DNAI3: variants seen among roughly 807,000 people sequenced by gnomAD.
DNAI3 encodes dynein axonemal intermediate chain 3, also known as WD repeat domain 63.
A neutral mutation model predicts 115.5 loss-of-function variants in DNAI3; 83 were observed. That is an observed-to-expected ratio of 0.72 (90% CI 0.60 to 0.86). The LOEUF is 0.86. DNAI3 is among the 40% of genes least tolerant of loss of function. DNAI3 has a pLI of 0.00. For missense variants in DNAI3, 1,004 were observed against 1,075.8 expected (o/e 0.93, Z 0.93); for synonymous variants, 320 against 347.0 (o/e 0.92, Z 0.86).
chr1:85,073,004 A>G (rs753039541), intron 2 of DNAI3, 50 bp from the exon 3 acceptor site: 15 of 959,486 alleles, frequency 1.6e-5, no homozygotes, highest in Non-Finnish European at 2.2e-5. Context: ...ATAAATTGAG[A>G]TGTATTTGAT....
At chr1:85,109,776 G>C (rs1468591476) in intron 15 of DNAI3, among the ~76,000 whole-genome samples, 4 of 152,128 alleles carry the variant, frequency 2.6e-5, no homozygotes, top group Non-Finnish European at 5.9e-5. Context: ...TACAATACAA[G>C]GCATTTTTCA....
At chr1:85,098,383 A>T in intron 12 of DNAI3, 147 bp from the exon 13 acceptor site, 1 of 916,006 alleles carries the variant, frequency 1.1e-6, no homozygotes, top group South Asian at 1.9e-5. Flanking sequence ...TTACCTAAAT[A>T]TATGATATAG....
chr1:85,076,356 G>C (rs1214256314), intron 3 of DNAI3, among the ~76,000 whole-genome samples: 1 of 151,896 alleles, frequency 6.6e-6, no homozygotes, highest in Non-Finnish European at 1.5e-5. Flanking sequence ...TAAATAAAAA[G>C]AACATAAAAA....
At chr1:85,119,908 C>A (rs2100609966) in intron 17 of DNAI3, among the ~76,000 whole-genome samples, 1 of 152,266 alleles carries the variant, frequency 6.6e-6, no homozygotes, top group Non-Finnish European at 1.5e-5. Context: ...CCATGTTAGC[C>A]AGGCTGGTCT....
chr1:85,084,665 G>T lies in DNAI3; in HGVS notation c.510G>T (p.Glu170Asp), dbSNP rs1170853550. ...WVSLGSEKEI[E>D]EESVTESTKQ... ...CTTTGGGCAGTGAAAAAGAAATTGA[G>T]GAAGAATCAGTTACGGAATCTACAA... is the stretch of plus-strand genomic sequence containing the variant. The change falls in exon 6 of 23, where the codon GAG (glutamate) becomes GAT (aspartate). Residue 170 changes from glutamate (E) to aspartate (D), a missense_variant. Glu to Asp is a conservative substitution (Grantham distance 45). Transcript: ENST00000294664. The T allele has an allele frequency of 6.5e-7, 1 of 1,543,376 alleles. No homozygotes were observed. The highest frequency in any genetic ancestry group is 8.7e-7 in the Non-Finnish European group (1 of 1,144,018).
At chr1:85,121,214 C>T (rs758824604) in intron 17 of DNAI3, among the ~76,000 whole-genome samples, 6 of 152,144 alleles carry the variant, frequency 3.9e-5, no homozygotes, top group Non-Finnish European at 7.4e-5. Context: ...ATTTGCCTTC[C>T]CCTCTCCTTA....
At chr1:85,084,163 G>GTA (rs150894781) in intron 5 of DNAI3, among the ~76,000 whole-genome samples, 11,026 of 97,162 alleles carry the variant, frequency 0.11, 580 homozygotes, top group East Asian at 0.24. Flanking sequence ...AGCAGTGTGT[G>GTA]TATATATATA....
chr1:85,114,015 C>CTTT (rs58178754), intron 16 of DNAI3, among the ~76,000 whole-genome samples: 1 of 117,670 alleles, frequency 8.5e-6, no homozygotes. Flanking sequence ...CAATTTGTAT[C>CTTT]TTTTTTTTTT....
intron 11 of DNAI3, among the ~76,000 whole-genome samples, chr1:85,097,147 T>G (rs962885437): frequency 1.3e-5 from 2 of 152,074 alleles, no homozygotes; most frequent in Non-Finnish European, 1.5e-5. Context: ...GTCAATTAAA[T>G]AGAAATAATC....
In DNAI3 at chr1:85,130,049, G is replaced by T. The variant is rs1656267512; in HGVS notation, c.2469G>T (p.Gln823His). 2 of 1,613,676 alleles carry T rather than the reference G, an allele frequency of 1.2e-6. No individual in the cohort carries two copies. The highest frequency in any genetic ancestry group is 1.7e-5 in the Admixed American group (1 of 59,968). ...TCAAGCATCTGGAATACGTAGAACA[G>T]CGCAAAAAAATTCGTGAGCAAGAAA... is the stretch of plus-strand genomic sequence containing the variant. The part of the protein sequence containing the change: ...REVKHLEYVE[Q>H]RKKIREQEKK... Residue 823 changes from glutamine to histidine, a missense_variant, in exon 22 of 23, where the codon CAG becomes CAT. Gln to His is a conservative substitution (Grantham distance 24, BLOSUM62 0). This residue lies in a region of DNAI3 where 429 missense variants were observed against 454.3 expected (regional missense o/e 0.94). Transcript: ENST00000294664.
intron 1 of DNAI3, among the ~76,000 whole-genome samples, chr1:85,070,210 G>A (rs1462707909): frequency 6.6e-6 from 1 of 151,940 alleles, no homozygotes; most frequent in Non-Finnish European, 1.5e-5. Context: ...GCGGTGAGCT[G>A]AGACCGCGCC....
At chr1:85,120,152 CAG>C (rs2100610257) in intron 17 of DNAI3, among the ~76,000 whole-genome samples, 1 of 152,368 alleles carries the variant, frequency 6.6e-6, no homozygotes, top group Admixed American at 6.5e-5. Flanking sequence ...ACTGAACAAA[CAG>C]ACAAAATTCC....
At chr1:85,114,126 C>T (rs993491235) in intron 16 of DNAI3, among the ~76,000 whole-genome samples, 10 of 149,776 alleles carry the variant, frequency 6.7e-5, no homozygotes, top group Non-Finnish European at 1.3e-4. Flanking sequence ...GATTCTCCTG[C>T]CTCAGCCTCC....
chr1:85,125,627 A>G (rs1273871756), intron 19 of DNAI3, among the ~76,000 whole-genome samples: 1 of 152,120 alleles, frequency 6.6e-6, no homozygotes, highest in African/African-American at 2.4e-5. Flanking sequence ...TGCCAGGGTC[A>G]GGAATTTGGT....
At chr1:85,119,760 C>T (rs763791339) in intron 17 of DNAI3, among the ~76,000 whole-genome samples, 33 of 151,944 alleles carry the variant, frequency 2.2e-4, no homozygotes, top group Non-Finnish European at 3.7e-4. Flanking sequence ...TGTAGTGGCA[C>T]GATCTCGGCT....
At chr1:85,089,273 A>C (rs1654891307) in intron 7 of DNAI3, among the ~76,000 whole-genome samples, 1 of 151,616 alleles carries the variant, frequency 6.6e-6, no homozygotes, top group African/African-American at 2.4e-5. Flanking sequence ...CAGGGGTCAT[A>C]TAGCTAGTAA....
At chr1:85,122,268 G>A (rs768189883) in intron 18 of DNAI3, among the ~76,000 whole-genome samples, 1 of 152,192 alleles carries the variant, frequency 6.6e-6, no homozygotes, top group Non-Finnish European at 1.5e-5. Context: ...CCCCAGCAGA[G>A]TATGGGAAAA....
At position 85,073,112 on chromosome 1, in the gene DNAI3, A is replaced by G. The variant is rs1654338184; in HGVS notation, c.103+20A>G. The G allele has an allele frequency of 6.6e-7, 1 of 1,516,050 alleles. No homozygotes were observed. Among genetic ancestry groups the G allele is most frequent in the East Asian group, 2.3e-5 (1 of 42,620 alleles). 93.9% of individuals were successfully genotyped at this position (1,516,050 alleles called of 1,614,324 possible). Reference sequence around the variant, plus strand: ...GCATGGGTAAGTGGAAATATAATTTACAACTTACATCCTCAGTTTTATAAT... The same window carrying G: ...GCATGGGTAAGTGGAAATATAATTTGCAACTTACATCCTCAGTTTTATAAT... On this transcript the variant is annotated intron_variant, in intron 3 of 22. Coordinates refer to ENST00000294664, the MANE Select transcript of DNAI3 (RefSeq NM_145172.5).
intron 3 of DNAI3, among the ~76,000 whole-genome samples, chr1:85,074,155 CTT>C (rs1654375986): frequency 6.6e-6 from 1 of 152,152 alleles, no homozygotes; most frequent in South Asian, 2.1e-4. Context: ...AACCCATCTG[CTT>C]CATATTATCT....
Sources: allele counts gnomAD v4.1 joint callset (sites outside exome capture counted in the v4.1 genomes callset), GRCh38; gene constraint gnomAD v4.1.1; regional missense constraint gnomAD v4.1.1; transcripts MANE v1.5; gene names NCBI Gene and HGNC (gene_info 2026-07-23, HGNC 2026-07-21).